NPNT: variants seen among roughly 807,000 people sequenced by gnomAD.
NPNT encodes the protein preosteoblast EGF-like repeat protein with MAM domain.
Under a neutral mutation model 68.6 loss-of-function variants are expected in NPNT, and 45 were observed. The ratio of observed to expected loss-of-function variants is 0.66; its 90% CI spans 0.52 to 0.84. The LOEUF (loss-of-function observed/expected upper bound fraction) is 0.84, where lower values mean the gene tolerates loss of function less well. Among genes scored for constraint, NPNT ranks in the 40% least tolerant of loss-of-function variants. NPNT has a pLI of 0.00. For missense variants in NPNT, 672 were observed against 714.8 expected, an observed-to-expected ratio of 0.94 and a Z score of 0.68; for synonymous variants, 233 against 253.3, an observed-to-expected ratio of 0.92 and a Z score of 0.76.
intron 3 of NPNT, among the ~76,000 whole-genome samples, chr4:105,931,960 C>T (rs1157071125): frequency 2.6e-5 from 4 of 152,176 alleles, no homozygotes; most frequent in African/African-American, 9.7e-5. Flanking sequence ...AGTCTCAACT[C>T]TCTTCTTTGA....
Position 105,895,712 on chromosome 4 carries a change from G to A in NPNT, c.60G>A (p.Glu20=). The A allele has an allele frequency of 6.4e-7, 1 of 1,553,330 alleles. No homozygotes were observed. The highest frequency in any genetic ancestry group is 1.4e-5 in the African/African-American group (1 of 73,340). ...CGCTCTACCTGCAGGCGGCCGCCGA[G>A]TTCGACGGGAGGTGAGCTGGGCCCC... ...VSSLYLQAAA[E]FDGRWPRQIV... Residue 20 remains glutamate, a synonymous_variant, in exon 1 of 12, where the codon GAG becomes GAA. Coordinates refer to ENST00000379987, the MANE Select transcript of NPNT (RefSeq NM_001033047.3).
rs541585826 is a variant in NPNT, at chr4:105,942,418, G to A, written c.875G>A (p.Ser292Asn). 9 of 1,613,880 alleles carry A rather than the reference G, an allele frequency of 5.6e-6. No homozygotes were observed. The East Asian group carries it at 1.6e-4, about 28-fold the overall frequency. Residue 292 changes from serine to asparagine, a missense_variant, in exon 8 of 12, where the codon AGT becomes AAT. By Grantham distance (46) the Ser-to-Asn change is conservative. Coordinates refer to ENST00000379987, the MANE Select transcript of NPNT (RefSeq NM_001033047.3). ...GNNNWIPDVG[S>N]TWWPPKTPYI... The stretch of plus-strand genomic sequence containing the variant: ...AATAATTGGATTCCTGATGTTGGAA[G>A]TACTTGGTGGCCTCCGAAGACACCA...
chr4:105,912,258 T>A, intron 2 of NPNT: 1 of 1,515,282 alleles, frequency 6.6e-7, no homozygotes, highest in Non-Finnish European at 8.9e-7. Flanking sequence ...ACATATTTCT[T>A]GAAATAATTT....
intron 2 of NPNT, among the ~76,000 whole-genome samples, chr4:105,919,511 T>A (rs1012080787): frequency 5.9e-5 from 9 of 152,252 alleles, no homozygotes; most frequent in African/African-American, 2.2e-4. Context: ...TTGATCCAGA[T>A]CCAATTAAGA....
At chr4:105,967,485 C>G (rs748527124) in intron 11 of NPNT, 41 bp downstream of exon 11, 1 of 1,500,878 alleles carries the variant, frequency 6.7e-7, no homozygotes, top group Admixed American at 2.4e-5. Flanking sequence ...GGGACGTTTT[C>G]CTTTCATAGG....
rs77937508 is a variant in NPNT, at chr4:105,968,920, G to A, written c.1628G>A (p.Arg543His). 477 of 1,611,022 alleles carry A rather than the reference G, an allele frequency of 3.0e-4. 9 individuals are homozygous for A. In the East Asian group the frequency reaches 9.0e-3, roughly 30 times the overall value. The change falls in exon 12 of 12, where the codon CGT becomes CAT. Residue 543 changes from arginine (R) to histidine (H), a missense_variant. Transcript: ENST00000379987. Reference protein sequence around the residue: ...KSVVFKGEKRRGHTGEIGLDD... With the variant: ...KSVVFKGEKRHGHTGEIGLDD... ...GTCGTCTTCAAAGGTGAAAAAAGGC[G>A]TGGTCACACTGGGGAGATTGGATTA...
At chr4:105,930,932 C>T (rs567950360) in intron 3 of NPNT, among the ~76,000 whole-genome samples, 1 of 152,264 alleles carries the variant, frequency 6.6e-6, no homozygotes, top group Non-Finnish European at 1.5e-5. Flanking sequence ...CCCACTAAGT[C>T]ATTTTCTGGA....
At chr4:105,941,397 C>A (rs971224479) in intron 7 of NPNT, among the ~76,000 whole-genome samples, 1 of 151,868 alleles carries the variant, frequency 6.6e-6, no homozygotes, top group African/African-American at 2.4e-5. Flanking sequence ...ACATTCAGAA[C>A]TGTTTTGCTT....
chr4:105,895,827 T>G, intron 1 of NPNT, 104 bp downstream of exon 1: 1 of 1,020,136 alleles, frequency 9.8e-7, no homozygotes, highest in Admixed American at 2.1e-5. Flanking sequence ...GAGAGGCGTC[T>G]CCTCCATCCA....
intron 8 of NPNT, among the ~76,000 whole-genome samples, chr4:105,944,188 T>A (rs1730197631): frequency 6.6e-6 from 1 of 152,196 alleles, no homozygotes; most frequent in South Asian, 2.1e-4. Context: ...ATTTTATATG[T>A]GCATAACTAT....
chr4:105,958,467 G>T lies in NPNT; in HGVS notation c.1160-4G>T. 1 of 1,596,082 alleles carries T rather than the reference G, an allele frequency of 6.3e-7. No homozygotes were observed. The highest frequency in any genetic ancestry group is 8.6e-7 in the Non-Finnish European group (1 of 1,164,934). Reference sequence around the variant, plus strand: ...CACAAAAACTCAAAACCTTTCTCTTGCAGTTCCACGGCAACCTTCAAATGA... The same window carrying T: ...CACAAAAACTCAAAACCTTTCTCTTTCAGTTCCACGGCAACCTTCAAATGA... On this transcript the variant is annotated splice_region_variant and splice_polypyrimidine_tract_variant and intron_variant, in intron 8 of 11. Coordinates refer to ENST00000379987, the MANE Select transcript of NPNT (RefSeq NM_001033047.3).
chr4:105,930,610 G>C (rs1294307558), intron 3 of NPNT, among the ~76,000 whole-genome samples: 1 of 152,174 alleles, frequency 6.6e-6, no homozygotes, highest in Non-Finnish European at 1.5e-5. Context: ...TTTTCTGGAG[G>C]AGAGAAATGT....
chr4:105,915,669 G>A (rs955987522), intron 2 of NPNT, among the ~76,000 whole-genome samples: 1 of 152,162 alleles, frequency 6.6e-6, no homozygotes, highest in Non-Finnish European at 1.5e-5. Context: ...GACATCATTT[G>A]GTGAGCTAGA....
rs1318162455 is a variant in NPNT, at chr4:105,950,748, ACCTGTCAGGAAGAGC to A, written c.1160-7720_1160-7706del. The stretch of plus-strand genomic sequence containing the variant: ...AGGGTTCCAATGCCTGACAACCTGC[ACCTGTCAGGAAGAGC>A]CCCCTCCTTTCCTGCTCCCCTGCAA... On this transcript the variant is annotated intron_variant, in intron 8 of 11. Transcript: ENST00000379987. Among the ~76,000 whole-genome samples, 4 of 152,154 alleles carry A rather than the reference ACCTGTCAGGAAGAGC, an allele frequency of 2.6e-5. No individual in the cohort carries two copies. In the East Asian group the frequency reaches 7.7e-4, roughly 29 times the overall value.
At chr4:105,917,572 A>C (rs77630445) in intron 2 of NPNT, among the ~76,000 whole-genome samples, 1,963 of 152,352 alleles carry the variant, frequency 0.013, 28 homozygotes, top group Middle Eastern at 0.041. Flanking sequence ...ATATATATTT[A>C]AAAGTAAACC....
At chr4:105,953,555 C>G (rs946714194) in intron 8 of NPNT, among the ~76,000 whole-genome samples, 2 of 152,148 alleles carry the variant, frequency 1.3e-5, no homozygotes, top group Admixed American at 1.3e-4. Context: ...TCTCTGATCA[C>G]TTAAAATTGT....
chr4:105,968,903 C>A lies in NPNT; in HGVS notation c.1611C>A (p.Phe537Leu). Reference protein sequence around the residue: ...LRGADIKSVVFKGEKRRGHTG... With the variant: ...LRGADIKSVVLKGEKRRGHTG... ...GTGCATTCTCTCCCTAGGTCGTCTT[C>A]AAAGGTGAAAAAAGGCGTGGTCACA... is the stretch of plus-strand genomic sequence containing the variant. Residue 537 changes from phenylalanine to leucine, a missense_variant, in exon 12 of 12, where the codon TTC becomes TTA. Physicochemically the swap from Phe to Leu is conservative, Grantham distance 22 (BLOSUM62 0). Coordinates refer to ENST00000379987, the MANE Select transcript of NPNT (RefSeq NM_001033047.3). The A allele has an allele frequency of 6.2e-7, 1 of 1,609,508 alleles. No individual in the cohort carries two copies. Among genetic ancestry groups the A allele is most frequent in the Non-Finnish European group, 8.5e-7 (1 of 1,176,250 alleles).
intron 2 of NPNT, among the ~76,000 whole-genome samples, chr4:105,914,369 C>A (rs141207839): frequency 0.043 from 5,736 of 132,950 alleles, 287 homozygotes; most frequent in African/African-American, 0.11. Context: ...CTCTCTCTCT[C>A]TCTCTATATA....
chr4:105,970,549 A>T lies in NPNT; in HGVS notation c.*1559A>T, dbSNP rs1254402015. On this transcript the variant is annotated 3_prime_UTR_variant, in exon 12 of 12. Transcript: ENST00000379987. ...AGAGGGTGGCGACCAGCTGTTCTCC[A>T]TATGCACTAAGAATAGAACAAGAGG... 1 of 681,548 alleles carries T rather than the reference A, an allele frequency of 1.5e-6. No individual in the cohort carries two copies. The highest frequency in any genetic ancestry group is 2.8e-5 in the East Asian group (1 of 36,286). The allele number at this position is 681,548 out of a possible 1,614,324, so 42.2% of individuals were successfully genotyped here.
Sources: gnomAD v4.1 joint callset for allele counts (sites outside exome capture counted in the v4.1 genomes callset) on GRCh38, gnomAD v4.1.1 for gene constraint, MANE v1.5 for transcripts, NCBI Gene and HGNC (gene_info 2026-07-23, HGNC 2026-07-21) for gene names.